Variants in SPATS2 observed in about 807,000 individuals in gnomAD.
The protein encoded by SPATS2 is spermatogenesis-associated serine-rich protein 2.
Under a neutral mutation model 63.7 loss-of-function variants are expected in SPATS2, and 38 were observed. That is an observed-to-expected ratio of 0.60 (90% confidence interval 0.46 to 0.78). The LOEUF (loss-of-function observed/expected upper bound fraction) is 0.78. SPATS2 is among the 30% of genes least tolerant of loss of function. SPATS2 has a pLI of 0.00. For synonymous variants in SPATS2, 207 were observed against 232.9 expected, an observed-to-expected ratio of 0.89 and a Z score of 1.01; for missense variants, 588 against 666.2, an observed-to-expected ratio of 0.88 and a Z score of 1.29.
At chr12:49,513,320 T>C (rs1946784086) in intron 9 of SPATS2, among the ~76,000 whole-genome samples, 2 of 152,160 alleles carry the variant, frequency 1.3e-5, no homozygotes, top group African/African-American at 2.4e-5. Flanking sequence ...GAAATCAGAA[T>C]GAACTCCAAA....
intron 2 of SPATS2, among the ~76,000 whole-genome samples, chr12:49,433,785 TTAATG>T (rs1945227083): frequency 6.6e-6 from 1 of 152,238 alleles, no homozygotes; most frequent in Non-Finnish European, 1.5e-5. Flanking sequence ...AGTTTTAAGT[TTAATG>T]TAATCCCATT....
intron 3 of SPATS2, among the ~76,000 whole-genome samples, chr12:49,466,123 T>C (rs1382128450): frequency 6.6e-6 from 1 of 151,978 alleles, no homozygotes; most frequent in Non-Finnish European, 1.5e-5. Flanking sequence ...TTTTATCTCA[T>C]ATATTTTAAA....
intron 2 of SPATS2, among the ~76,000 whole-genome samples, chr12:49,459,494 A>G (rs1317134646): frequency 1.3e-5 from 2 of 151,856 alleles, no homozygotes; most frequent in Non-Finnish European, 2.9e-5. Context: ...GATTACAGGC[A>G]TGCACCACTA....
chr12:49,389,772 T>G, intron 2 of SPATS2: 28 of 1,216,964 alleles, frequency 2.3e-5, no homozygotes, highest in Non-Finnish European at 2.8e-5. Flanking sequence ...AAGAAAAGAA[T>G]TGCGTACATC....
chr12:49,424,999 C>T (rs1945048570), intron 2 of SPATS2, among the ~76,000 whole-genome samples: 1 of 152,062 alleles, frequency 6.6e-6, no homozygotes, highest in African/African-American at 2.4e-5. Flanking sequence ...TTTATTTTAG[C>T]TTAAAACAAA....
chr12:49,458,732 G>GTTTT (rs559444527), intron 2 of SPATS2, among the ~76,000 whole-genome samples: 3 of 136,744 alleles, frequency 2.2e-5, no homozygotes, highest in Admixed American at 7.4e-5. Context: ...ATTCCATCTC[G>GTTTT]TTTTTTTTTT....
chr12:49,384,364 T>C (rs1944274148), intron 2 of SPATS2, among the ~76,000 whole-genome samples: 1 of 152,270 alleles, frequency 6.6e-6, no homozygotes, highest in South Asian at 2.1e-4. Flanking sequence ...TGTAATATGC[T>C]TATTGTACAA....
At chr12:49,433,059 A>T (rs1945213263) in intron 2 of SPATS2, among the ~76,000 whole-genome samples, 1 of 152,080 alleles carries the variant, frequency 6.6e-6, no homozygotes, top group Non-Finnish European at 1.5e-5. Context: ...CAATTTTTCC[A>T]CATCTTTACT....
At chr12:49,461,784 A>G (rs58082501) in intron 3 of SPATS2, among the ~76,000 whole-genome samples, 14,326 of 152,250 alleles carry the variant, frequency 0.094, 805 homozygotes, top group African/African-American at 0.15. Context: ...TTTTGACTTG[A>G]TAATTCAAAA....
At chr12:49,411,849 A>G (rs1469059340) in intron 2 of SPATS2, among the ~76,000 whole-genome samples, 5 of 152,150 alleles carry the variant, frequency 3.3e-5, no homozygotes, top group Admixed American at 3.3e-4. Flanking sequence ...TGCTGGGGCC[A>G]ATTAGTTCTT....
At chr12:49,430,417 T>C (rs975322787) in intron 2 of SPATS2, among the ~76,000 whole-genome samples, 62 of 152,084 alleles carry the variant, frequency 4.1e-4, no homozygotes, top group African/African-American at 1.4e-3. Flanking sequence ...TATTTCTTTA[T>C]AAAGCTGATG....
chr12:49,427,028 T>C (rs1017512302), intron 2 of SPATS2, among the ~76,000 whole-genome samples: 4 of 152,206 alleles, frequency 2.6e-5, no homozygotes, highest in East Asian at 3.8e-4. Context: ...TGCTGGGTCA[T>C]AGGGTGTGCT....
At chr12:49,423,759 ATGT>A (rs1945024302) in intron 2 of SPATS2, among the ~76,000 whole-genome samples, 1 of 152,210 alleles carries the variant, frequency 6.6e-6, no homozygotes, top group Non-Finnish European at 1.5e-5. Flanking sequence ...ACCTAAATGG[ATGT>A]TGTTGTGTAA....
intron 5 of SPATS2, 80 bp from the exon 6 acceptor site, chr12:49,490,602 C>A: frequency 7.5e-7 from 1 of 1,339,310 alleles, no homozygotes; most frequent in Non-Finnish European, 1.1e-6. Flanking sequence ...CCAGCAATTA[C>A]AAAATGGGAG....
chr12:49,512,618 C>G (rs1375958764), intron 9 of SPATS2, among the ~76,000 whole-genome samples: 2 of 152,178 alleles, frequency 1.3e-5, no homozygotes, highest in Non-Finnish European at 2.9e-5. Flanking sequence ...TGTGTTGATG[C>G]AGACCTTGCT....
intron 2 of SPATS2, among the ~76,000 whole-genome samples, chr12:49,403,626 CACACACACACACACAA>C (rs1340976471): frequency 1.8e-3 from 268 of 151,420 alleles, no homozygotes; most frequent in African/African-American, 6.4e-3. Context: ...CACACACACA[CACACACACACACACAA>C]ACAAAACTGG....
intron 2 of SPATS2, among the ~76,000 whole-genome samples, chr12:49,458,636 T>C (rs1945763164): frequency 6.6e-6 from 1 of 151,770 alleles, no homozygotes; most frequent in African/African-American, 2.4e-5. Flanking sequence ...AAAAATTAGC[T>C]GGGCATGGTG....
chr12:49,389,347 C>T (rs1944378382), intron 2 of SPATS2, among the ~76,000 whole-genome samples: 2 of 152,164 alleles, frequency 1.3e-5, no homozygotes, highest in African/African-American at 2.4e-5. Flanking sequence ...GGCTTCACGG[C>T]CACACCTCCG....
chr12:49,373,742 T>C (rs1007004070), intron 2 of SPATS2, among the ~76,000 whole-genome samples: 3 of 152,154 alleles, frequency 2.0e-5, no homozygotes, highest in African/African-American at 7.2e-5. Context: ...CTGGTCAATA[T>C]GGTGAAACCC....
Sources: allele counts gnomAD v4.1 joint callset (sites outside exome capture counted in the v4.1 genomes callset), GRCh38; gene constraint gnomAD v4.1.1; transcripts MANE v1.5; gene names NCBI Gene and HGNC (gene_info 2026-07-23, HGNC 2026-07-21).